The following OSBPL2 variants were observed in gnomAD, a reference collection of about 807,000 sequenced individuals.
The protein encoded by OSBPL2 is oxysterol binding protein like 2.
A neutral mutation model predicts 58.4 loss-of-function variants in OSBPL2; 18 were observed. That is an observed-to-expected ratio of 0.31 (90% CI 0.21 to 0.46). The LOEUF is 0.46. OSBPL2 is among the 20% of genes least tolerant of loss of function. The probability of loss-of-function intolerance (pLI) is 1.00; values close to 1 mark genes in which losing one functional copy is unlikely to be tolerated. For missense variants in OSBPL2, 461 were observed against 616.5 expected (o/e 0.75, Z 2.67); for synonymous variants, 221 against 234.1 (o/e 0.94, Z 0.51).
chr20:62,293,711 C>T, intron 13 of OSBPL2, 74 bp from the exon 14 acceptor site: 1 of 1,361,168 alleles, frequency 7.3e-7, no homozygotes, highest in South Asian at 1.3e-5. Flanking sequence ...GGAACACACT[C>T]CTGCACCCAG....
chr20:62,240,847 G>A (rs1979680739), intron 1 of OSBPL2, among the ~76,000 whole-genome samples: 9 of 152,090 alleles, frequency 5.9e-5, no homozygotes, highest in Admixed American at 5.2e-4. Flanking sequence ...TACCTTCCCT[G>A]CCACCCAGCT....
At chr20:62,282,743 C>G (rs1982871436) in intron 9 of OSBPL2, among the ~76,000 whole-genome samples, 1 of 152,202 alleles carries the variant, frequency 6.6e-6, no homozygotes, top group Non-Finnish European at 1.5e-5. Context: ...ACAAGAATCT[C>G]TTGAGCCTGG....
chr20:62,281,209 G>A (rs1269411173), intron 8 of OSBPL2, 44 bp downstream of exon 8: 2 of 1,415,728 alleles, frequency 1.4e-6, no homozygotes, highest in South Asian at 2.3e-5. Context: ...GGCTCCGGGT[G>A]GGGATGGGCG....
intron 3 of OSBPL2, among the ~76,000 whole-genome samples, chr20:62,261,180 G>T (rs965299119): frequency 4.6e-5 from 7 of 152,078 alleles, no homozygotes; most frequent in Non-Finnish European, 7.3e-5. Context: ...GCTGGGCGTG[G>T]CTGTGCGCAT....
At chr20:62,291,826 A>ACACACACCTGGGGACG (rs1555854734) in intron 13 of OSBPL2, 33 bp downstream of exon 13, 1 of 997,556 alleles carries the variant, frequency 1.0e-6, no homozygotes, top group Non-Finnish European at 1.3e-6. Context: ...AGGCTGGGGC[A>ACACACACCTGGGGACG]GCGGGGAGGC....
intron 6 of OSBPL2, chr20:62,278,946 A>G: frequency 1.8e-6 from 1 of 542,108 alleles, no homozygotes; most frequent in Non-Finnish European, 3.3e-6. Context: ...CGTTAGGCCA[A>G]GTGCGATGTC....
intron 13 of OSBPL2, 56 bp from the exon 14 acceptor site, chr20:62,293,729 C>A: frequency 6.6e-7 from 1 of 1,519,284 alleles, no homozygotes; most frequent in South Asian, 1.2e-5. Flanking sequence ...CAGAACAGGG[C>A]TGCGTTTTCC....
chr20:62,278,692 G>A (rs1982573477), intron 6 of OSBPL2: 1 of 175,864 alleles, frequency 5.7e-6, no homozygotes, highest in Admixed American at 6.7e-5. Flanking sequence ...ATGTTTGTGT[G>A]TGTGTGTCTG....
At chr20:62,245,756 G>A (rs756290132) in intron 1 of OSBPL2, among the ~76,000 whole-genome samples, 9 of 152,214 alleles carry the variant, frequency 5.9e-5, no homozygotes, top group Non-Finnish European at 1.2e-4. Context: ...ATGGTGACGA[G>A]GACAGACAGC....
intron 1 of OSBPL2, among the ~76,000 whole-genome samples, chr20:62,246,924 A>G (rs1367340306): frequency 1.3e-5 from 2 of 152,078 alleles, no homozygotes; most frequent in East Asian, 3.9e-4. Flanking sequence ...CTCGTAGGTG[A>G]CACTTGTTTC....
rs1980904807 is a variant in OSBPL2, at chr20:62,256,125, A to G, written c.-60A>G. 4 of 1,566,434 alleles carry G rather than the reference A, an allele frequency of 2.6e-6. No individual in the cohort carries two copies. Among genetic ancestry groups the G allele is most frequent in the South Asian group, 2.2e-5 (2 of 89,556 alleles). ...ATTCCTTACACTGTAGATGTGGATC[A>G]GATACGATGATTCAGTAGAAGAGCA... On this transcript the variant is annotated 5_prime_UTR_variant, in exon 2 of 14. Transcript: ENST00000313733.
At chr20:62,250,764 T>C (rs1025616895) in intron 1 of OSBPL2, among the ~76,000 whole-genome samples, 1 of 151,766 alleles carries the variant, frequency 6.6e-6, no homozygotes, top group Non-Finnish European at 1.5e-5. Flanking sequence ...CTACAAGCAG[T>C]TTTTTAAACA....
At chr20:62,267,816 T>C (rs528586616) in intron 4 of OSBPL2, among the ~76,000 whole-genome samples, 1 of 152,336 alleles carries the variant, frequency 6.6e-6, no homozygotes, top group African/African-American at 2.4e-5. Context: ...AGACAGCACA[T>C]GTCTGTGCCT....
chr20:62,263,776 G>A, intron 4 of OSBPL2, 85 bp downstream of exon 4: 9 of 1,278,432 alleles, frequency 7.0e-6, no homozygotes, highest in Non-Finnish European at 1.0e-5. Context: ...TTAAGAAAAT[G>A]CGCTCTTGGC....
intron 1 of OSBPL2, among the ~76,000 whole-genome samples, chr20:62,243,410 C>T (rs1303733350): frequency 1.3e-5 from 2 of 152,158 alleles, no homozygotes; most frequent in African/African-American, 2.4e-5. Flanking sequence ...GCAGAGGTGC[C>T]CGAGGAGCCC....
In OSBPL2 at chr20:62,274,596, C is replaced by A. The variant is rs377289174; in HGVS notation, c.491+1190C>A. On this transcript the variant is annotated intron_variant, in intron 6 of 13. Coordinates refer to ENST00000313733, the MANE Select transcript of OSBPL2 (RefSeq NM_144498.4). ...CTGCACCCTTCAGTCTTCCGACTGTCGAGGTAGCCCAGCACACAGAGCTCA... is the reference window on the plus strand; with the variant it reads ...CTGCACCCTTCAGTCTTCCGACTGTAGAGGTAGCCCAGCACACAGAGCTCA... Among the ~76,000 whole-genome samples the A allele has an allele frequency of 1.9e-4, 29 of 152,304 alleles. No homozygotes were observed. In the East Asian group the frequency reaches 4.4e-3, roughly 23 times the overall value.
intron 9 of OSBPL2, 117 bp from the exon 10 acceptor site, chr20:62,283,929 T>C (rs1258674478): frequency 1.0e-6 from 1 of 994,228 alleles, no homozygotes; most frequent in East Asian, 2.4e-5. Context: ...TGTCCAGAGA[T>C]GTCCCAAGAT....
At chr20:62,261,165 A>G (rs1981274893) in intron 3 of OSBPL2, among the ~76,000 whole-genome samples, 1 of 151,760 alleles carries the variant, frequency 6.6e-6, no homozygotes, top group Non-Finnish European at 1.5e-5. Context: ...AAATACAAAA[A>G]ATTAGCTGGG....
At chr20:62,254,436 A>G (rs1301448148) in intron 1 of OSBPL2, among the ~76,000 whole-genome samples, 1 of 152,262 alleles carries the variant, frequency 6.6e-6, no homozygotes, top group African/African-American at 2.4e-5. Flanking sequence ...TCCCGTCTGC[A>G]AGGGCAAGCA....
Sources: gnomAD v4.1 joint callset for allele counts (sites outside exome capture counted in the v4.1 genomes callset) on GRCh38, gnomAD v4.1.1 for gene constraint, MANE v1.5 for transcripts, NCBI Gene and HGNC (gene_info 2026-07-23, HGNC 2026-07-21) for gene names.